PTPRG: variants seen among roughly 807,000 people sequenced by gnomAD.
PTPRG encodes protein tyrosine phosphatase receptor type G.
A neutral mutation model predicts 165.3 loss-of-function variants in PTPRG; 102 were observed. The observed-to-expected ratio is 0.62, with a 90% CI of 0.53 to 0.73. The LOEUF (loss-of-function observed/expected upper bound fraction) is 0.73. PTPRG is among the 30% of genes least tolerant of loss of function. The pLI, the probability that PTPRG is intolerant of heterozygous loss-of-function variation, is 0.00. For missense variants in PTPRG, 1,866 were observed against 1,861.4 expected, an observed-to-expected ratio of 1.00 and a Z score of -0.05; for synonymous variants, 675 against 669.5, an observed-to-expected ratio of 1.01 and a Z score of -0.13.
In PTPRG at chr3:61,939,928, C is replaced by CTTTTTTTTTTTTTT. The variant is rs561334410; in HGVS notation, c.191-49674_191-49661dup. Among the ~76,000 whole-genome samples, 17 of 39,142 alleles carry CTTTTTTTTTTTTTT rather than the reference C, an allele frequency of 4.3e-4. 5 individuals are homozygous for CTTTTTTTTTTTTTT. Among genetic ancestry groups the CTTTTTTTTTTTTTT allele is most frequent in the Non-Finnish European group, 6.9e-4 (15 of 21,766 alleles). The allele number at this position is 39,142 out of a possible 152,430, so 25.7% of individuals were successfully genotyped here. On this transcript the variant is annotated intron_variant, in intron 2 of 29. Coordinates refer to ENST00000474889, the MANE Select transcript of PTPRG (RefSeq NM_002841.4). ...TGTCTTGGCTTCCTTACTGACTTGTCTTTTTTTTTTTTTTTTTTTTTTTTT... is the reference window on the plus strand; with the variant it reads ...TGTCTTGGCTTCCTTACTGACTTGTCTTTTTTTTTTTTTTTTTTTTTTTTTTTTTTTTTTTTTTT...
Position 62,214,461 on chromosome 3 carries a change from T to A in PTPRG, c.2156-4390T>A, listed in dbSNP as rs1700448291. On this transcript the variant is annotated intron_variant, in intron 12 of 29. Coordinates refer to ENST00000474889, the MANE Select transcript of PTPRG (RefSeq NM_002841.4). The surrounding 1 kb of genome is among the most constrained non-coding windows in gnomAD (Gnocchi z 5.2). The stretch of plus-strand genomic sequence containing the variant: ...CACCACAATGCCGTATGCAATATTA[T>A]TACTTCCATTTACAGAGGAGGAGAC... Among the ~76,000 whole-genome samples the A allele has an allele frequency of 6.6e-6, 1 of 152,202 alleles. No individual in the cohort carries two copies. Among genetic ancestry groups the A allele is most frequent in the African/African-American group, 2.4e-5 (1 of 41,452 alleles).
intron 5 of PTPRG, among the ~76,000 whole-genome samples, chr3:62,084,202 A>G (rs1382717449): frequency 6.6e-6 from 1 of 152,222 alleles, no homozygotes; most frequent in Admixed American, 6.5e-5. Flanking sequence ...TCTAGTCAAT[A>G]GGTATATTTC....
chr3:61,874,117 A>G (rs981860850), intron 2 of PTPRG, among the ~76,000 whole-genome samples: 1 of 152,212 alleles, frequency 6.6e-6, no homozygotes, highest in African/African-American at 2.4e-5. Flanking sequence ...AAGAATCCAG[A>G]GTGCATCCCA....
intron 1 of PTPRG, among the ~76,000 whole-genome samples, chr3:61,691,028 C>T (rs553588271): frequency 7.9e-5 from 12 of 152,182 alleles, no homozygotes; most frequent in South Asian, 4.2e-4. Context: ...AAATATGGCA[C>T]GCCATCAATG....
At chr3:61,794,469 A>G (rs780449228) in intron 2 of PTPRG, among the ~76,000 whole-genome samples, 1 of 152,160 alleles carries the variant, frequency 6.6e-6, no homozygotes, top group South Asian at 2.1e-4. Context: ...TCAGTAGTCA[A>G]CATACCGCCC....
chr3:61,980,447 G>A (rs938434387), intron 2 of PTPRG, among the ~76,000 whole-genome samples: 11 of 152,122 alleles, frequency 7.2e-5, no homozygotes, highest in South Asian at 4.1e-4. Flanking sequence ...TAAAACCTTA[G>A]CCAAGTTCGT....
At chr3:61,633,448 C>G (rs1701821054) in intron 1 of PTPRG, among the ~76,000 whole-genome samples, 1 of 152,104 alleles carries the variant, frequency 6.6e-6, no homozygotes, top group South Asian at 2.1e-4. Flanking sequence ...GTATTTGGGA[C>G]AAAATGATGT....
chr3:62,196,096 T>C (rs1379784803), intron 10 of PTPRG, among the ~76,000 whole-genome samples: 1 of 151,908 alleles, frequency 6.6e-6, no homozygotes, highest in South Asian at 2.1e-4. Context: ...CAATGGGATG[T>C]TTTTTAAAAG....
At chr3:61,792,885 C>T (rs1197517986) in intron 2 of PTPRG, among the ~76,000 whole-genome samples, 1 of 152,008 alleles carries the variant, frequency 6.6e-6, no homozygotes, top group Admixed American at 6.6e-5. Context: ...CGTGCCACCA[C>T]GCCTGGCTAA....
intron 2 of PTPRG, among the ~76,000 whole-genome samples, chr3:61,861,347 G>T (rs1429698279): frequency 6.6e-6 from 1 of 152,066 alleles, no homozygotes; most frequent in Non-Finnish European, 1.5e-5. Context: ...CAAAGCTTTT[G>T]TCAAGCTGGG....
At chr3:62,097,515 A>T (rs1559502035) in intron 5 of PTPRG, among the ~76,000 whole-genome samples, 2 of 150,766 alleles carry the variant, frequency 1.3e-5, no homozygotes, top group Non-Finnish European at 3.0e-5. Flanking sequence ...TGGGGGGCAT[A>T]TTTTTGGGGG....
intron 4 of PTPRG, among the ~76,000 whole-genome samples, chr3:62,026,359 G>C (rs376154730): frequency 6.6e-6 from 1 of 152,124 alleles, no homozygotes. Flanking sequence ...TCCTAGACAA[G>C]CTCTTATGTT....
At chr3:62,063,877 A>G (rs1254510075) in intron 4 of PTPRG, among the ~76,000 whole-genome samples, 1 of 152,092 alleles carries the variant, frequency 6.6e-6, no homozygotes, top group Non-Finnish European at 1.5e-5. Context: ...CATTGTGGTA[A>G]AAGATACATG....
chr3:61,833,095 G>GTGTGTGTA (rs909034372), intron 2 of PTPRG, among the ~76,000 whole-genome samples: 1 of 151,674 alleles, frequency 6.6e-6, no homozygotes, highest in Non-Finnish European at 1.5e-5. Context: ...GTGTGTGTGT[G>GTGTGTGTA]TACACAGTTT....
intron 5 of PTPRG, among the ~76,000 whole-genome samples, chr3:62,113,803 A>G (rs1208964795): frequency 6.6e-6 from 1 of 152,198 alleles, no homozygotes; most frequent in African/African-American, 2.4e-5. Flanking sequence ...TCTTGATATT[A>G]GAAGATACAG....
In PTPRG at chr3:62,191,586, C is replaced by G. The variant is rs1699821792; in HGVS notation, c.1151C>G (p.Ser384Cys). ...CCACCCATCATGAACTACATGATCT[C>G]CTACAGCTGGACCAAGAATGAGGAC... ...YHPPIMNYMI[S>C]YSWTKNEDEK... Residue 384 changes from serine to cysteine, a missense_variant, in exon 9 of 30, where the codon TCC becomes TGC. Around this residue, in one of 3 missense-constraint regions of PTPRG, gnomAD observed 1,452 missense variants for 1,463.0 expected, o/e 0.99. Coordinates refer to ENST00000474889, the MANE Select transcript of PTPRG (RefSeq NM_002841.4). 6.2e-7 allele frequency: 1 copy of G among 1,614,006 alleles called. No individual in the cohort carries two copies. The highest frequency in any genetic ancestry group is 1.3e-5 in the African/African-American group (1 of 74,894).
intron 1 of PTPRG, among the ~76,000 whole-genome samples, chr3:61,575,532 T>C (rs781637736): frequency 2.4e-4 from 37 of 152,036 alleles, no homozygotes; most frequent in Non-Finnish European, 4.6e-4. Flanking sequence ...TCAACCTTCT[T>C]GAGTCCTTGT....
At chr3:61,701,096 C>G (rs968542544) in intron 1 of PTPRG, among the ~76,000 whole-genome samples, 5 of 152,062 alleles carry the variant, frequency 3.3e-5, no homozygotes, top group Non-Finnish European at 5.9e-5. Flanking sequence ...CTTGCTTGCC[C>G]CTTTGTTCTG....
intron 2 of PTPRG, among the ~76,000 whole-genome samples, chr3:61,865,630 C>T (rs1381622421): frequency 1.3e-5 from 2 of 152,196 alleles, no homozygotes; most frequent in Non-Finnish European, 1.5e-5. Flanking sequence ...TTGGTCTCTC[C>T]ACCTGCCGAC....
Sources: gnomAD v4.1 joint callset for allele counts (sites outside exome capture counted in the v4.1 genomes callset) on GRCh38, gnomAD v4.1.1 for gene constraint, gnomAD v4.1.1 regional missense constraint, Gnocchi (gnomAD v3.1) non-coding constraint, MANE v1.5 for transcripts, NCBI Gene and HGNC (gene_info 2026-07-23, HGNC 2026-07-21) for gene names.